The following CLCC1 variants were observed in gnomAD, a reference collection of about 807,000 sequenced individuals.
The protein encoded by CLCC1 is chloride channel CLIC like 1.
In CLCC1, 39 loss-of-function variants were observed where a neutral mutation model predicts 63.3. That is an observed-to-expected ratio of 0.62 (90% CI 0.48 to 0.81). The LOEUF (loss-of-function observed/expected upper bound fraction) is 0.81, where lower values mean the gene tolerates loss of function less well. Among genes scored for constraint, CLCC1 ranks in the 30% least tolerant of loss-of-function variants. The probability of loss-of-function intolerance (pLI) is 0.00; values close to 1 mark genes in which losing one functional copy is unlikely to be tolerated. For missense variants in CLCC1, 549 were observed against 669.4 expected (o/e 0.82, Z 1.98); for synonymous variants, 217 against 239.8 (o/e 0.90, Z 0.88).
chr1:108,937,273 G>GC lies in CLCC1; in HGVS notation c.1186dup (p.Ala396GlyfsTer6). ...CATTTGGCCCCTATAATGGAAATCGGCATCACCTGCTCCACCATCAGGTCT... is the reference window on the plus strand; with the variant it reads ...CATTTGGCCCCTATAATGGAAATCGGCCATCACCTGCTCCACCATCAGGTCT... On this transcript the variant is annotated frameshift_variant, in exon 11 of 13. Transcript: ENST00000369969. LOFTEE classifies it high-confidence loss of function. The GC allele has an allele frequency of 6.2e-7, 1 of 1,614,156 alleles. No homozygotes were observed. The highest frequency in any genetic ancestry group is 8.5e-7 in the Non-Finnish European group (1 of 1,180,026).
intron 11 of CLCC1, among the ~76,000 whole-genome samples, chr1:108,936,455 A>G (rs1276865092): frequency 1.3e-5 from 2 of 152,224 alleles, no homozygotes; most frequent in Non-Finnish European, 2.9e-5. Context: ...AAGGGATTCT[A>G]TAATTTCCCA....
intron 12 of CLCC1, chr1:108,933,474 C>T (rs907992626): frequency 6.6e-6 from 1 of 151,808 alleles, no homozygotes; most frequent in Admixed American, 6.6e-5. Flanking sequence ...ACGTAAGTAA[C>T]ACTTCCTGGA....
Position 108,934,938 on chromosome 1 carries a change from T to A in CLCC1, c.1388A>T (p.Lys463Ile), listed in dbSNP as rs1652658816. 2 of 1,607,118 alleles carry A rather than the reference T, an allele frequency of 1.2e-6. No individual in the cohort carries two copies. Among genetic ancestry groups the A allele is most frequent in the Non-Finnish European group, 1.7e-6 (2 of 1,175,652 alleles). ...GGGCTTTGTATCCAAAACAGGTGAT[T>A]TATGCTATAAAGTACAAAATTACAT... ...REHPTVVPSHKSPVLDTKPKE... is the reference protein window; with the variant it reads ...REHPTVVPSHISPVLDTKPKE... The change falls in exon 12 of 13, where the codon AAA (lysine) becomes ATA (isoleucine). Residue 463 changes from lysine to isoleucine, a missense_variant. Transcript: ENST00000369969.
intron 5 of CLCC1, among the ~76,000 whole-genome samples, chr1:108,944,403 A>G (rs1342342142): frequency 6.6e-6 from 1 of 152,040 alleles, no homozygotes; most frequent in East Asian, 1.9e-4. Flanking sequence ...CCCGGATTCG[A>G]GGCTGCAGTA....
chr1:108,956,653 T>A (rs1177679306), intron 2 of CLCC1, among the ~76,000 whole-genome samples: 1 of 110,346 alleles, frequency 9.1e-6, no homozygotes, highest in Non-Finnish European at 1.8e-5. Context: ...ACAGCGAGAC[T>A]CCGTCTCAAA....
chr1:108,941,265 A>G, intron 8 of CLCC1, 140 bp downstream of exon 8: 1 of 742,744 alleles, frequency 1.3e-6, no homozygotes, highest in African/African-American at 1.8e-5. Context: ...TTTTAAACCT[A>G]AAATGCTTCT....
chr1:108,935,126 C>T (rs1175420841), intron 11 of CLCC1, among the ~76,000 whole-genome samples, 184 bp from the exon 12 acceptor site: 3 of 152,176 alleles, frequency 2.0e-5, no homozygotes, highest in African/African-American at 7.2e-5. Context: ...CACAGTACTC[C>T]CACAGAGGAG....
intron 2 of CLCC1, among the ~76,000 whole-genome samples, chr1:108,956,754 G>A (rs1655940545): frequency 6.6e-6 from 1 of 150,912 alleles, no homozygotes; most frequent in Non-Finnish European, 1.5e-5. Context: ...ATAATCTTAG[G>A]AAGATTTGGA....
chr1:108,957,551 AT>A (rs1656072677), intron 2 of CLCC1, among the ~76,000 whole-genome samples: 1 of 151,534 alleles, frequency 6.6e-6, no homozygotes, highest in Admixed American at 6.5e-5. Flanking sequence ...ATAGGGGTTT[AT>A]TTCTTATAAC....
chr1:108,939,245 AAT>A (rs1298686474), intron 10 of CLCC1, among the ~76,000 whole-genome samples: 6 of 146,164 alleles, frequency 4.1e-5, no homozygotes, highest in Non-Finnish European at 7.5e-5. Context: ...TAAATATATA[AAT>A]ATAGACAGAT....
chr1:108,962,056 A>C (rs559980501), intron 2 of CLCC1, among the ~76,000 whole-genome samples: 1 of 152,304 alleles, frequency 6.6e-6, no homozygotes, highest in South Asian at 2.1e-4. Flanking sequence ...CTGCCTCTCC[A>C]GGGCAAAAGT....
At chr1:108,936,805 A>G (rs77998657) in intron 11 of CLCC1, among the ~76,000 whole-genome samples, 109 of 152,342 alleles carry the variant, frequency 7.2e-4, no homozygotes, top group African/African-American at 2.5e-3. Context: ...TGTCATGCTC[A>G]TACGCTGGCT....
chr1:108,963,118 C>A (rs1176810036), intron 1 of CLCC1, among the ~76,000 whole-genome samples: 6 of 152,238 alleles, frequency 3.9e-5, no homozygotes, highest in African/African-American at 1.4e-4. Context: ...GCTCTCTGGG[C>A]CAAGCACCTC....
intron 12 of CLCC1, 63 bp downstream of exon 12, chr1:108,934,562 G>T: frequency 1.5e-6 from 2 of 1,294,010 alleles, no homozygotes; most frequent in Non-Finnish European, 2.1e-6. Context: ...TGTTGAAGTT[G>T]GCACCTTTGT....
chr1:108,952,946 G>T (rs1571070002), intron 2 of CLCC1, among the ~76,000 whole-genome samples: 1 of 152,262 alleles, frequency 6.6e-6, no homozygotes, highest in South Asian at 2.1e-4. Flanking sequence ...ACTCCTCTAT[G>T]TAGCTATTTA....
At chr1:108,956,204 G>A (rs1398976023) in intron 2 of CLCC1, among the ~76,000 whole-genome samples, 1 of 151,364 alleles carries the variant, frequency 6.6e-6, no homozygotes, top group Admixed American at 6.6e-5. Context: ...CAATATCAAT[G>A]GCCAGCCATG....
At chr1:108,935,151 G>A (rs558828550) in intron 11 of CLCC1, among the ~76,000 whole-genome samples, 12 of 152,312 alleles carry the variant, frequency 7.9e-5, no homozygotes, top group Admixed American at 6.5e-5. Flanking sequence ...AACGCTTAGC[G>A]CATATACTGG....
chr1:108,949,208 C>G (rs1362546821), intron 4 of CLCC1, among the ~76,000 whole-genome samples: 2 of 152,254 alleles, frequency 1.3e-5, no homozygotes, highest in East Asian at 3.8e-4. Context: ...CACCCCCCTT[C>G]TCCATTCCAG....
chr1:108,947,665 A>C lies in CLCC1; in HGVS notation c.285T>G (p.Pro95=), dbSNP rs1419078586. The C allele has an allele frequency of 6.2e-7, 1 of 1,612,208 alleles. No homozygotes were observed. The highest frequency in any genetic ancestry group is 1.3e-5 in the African/African-American group (1 of 74,836). ...TCTTATTTAAGTATCTCCTAAAAAC[A>C]GGATTGCTTTGACTTTCATAGTCTT... ...KREDYESQSN[P]VFRRYLNKIL... Residue 95 remains proline (P), a synonymous_variant, in exon 5 of 13, where the codon CCT becomes CCG. Transcript: ENST00000369969.
Sources: allele counts gnomAD v4.1 joint callset (sites outside exome capture counted in the v4.1 genomes callset), GRCh38; gene constraint gnomAD v4.1.1; transcripts MANE v1.5; gene names NCBI Gene and HGNC (gene_info 2026-07-23, HGNC 2026-07-21).